EFHD1: variants seen among roughly 807,000 people sequenced by gnomAD.
The protein encoded by EFHD1 is EF-hand domain family member D1, also known as EF-hand domain-containing protein D1.
EFHD1 carries 10 observed loss-of-function variants against 17.2 expected under a neutral mutation model. The observed-to-expected ratio is 0.58, with a 90% confidence interval of 0.36 to 0.99. The LOEUF is 0.99. Among genes scored for constraint, EFHD1 ranks in the 50% least tolerant of loss-of-function variants. The pLI, the probability that EFHD1 is intolerant of heterozygous loss-of-function variation, is 0.01. For synonymous variants in EFHD1, 153 were observed against 142.0 expected (o/e 1.08, Z -0.55); for missense variants, 310 against 327.5 (o/e 0.95, Z 0.41).
intron 1 of EFHD1, among the ~76,000 whole-genome samples, chr2:232,655,802 CTTTTTTTTTTTT>C (rs66762860): frequency 1.6e-4 from 21 of 133,264 alleles, no homozygotes; most frequent in South Asian, 2.3e-4. Flanking sequence ...TGTGTGGGGT[CTTTTTTTTTTTT>C]TTTTTTTTTT....
rs1411754197 is a variant in EFHD1 at position 232,672,356 on chromosome 2, C to CAGTG, written c.499_502dup (p.Gly168GlufsTer11). ...CCGCGGCAGGGGAGCTGCAGGAGGACAGTGGGCTGATGGCGCTGGCAAAGC... is the reference window on the plus strand; with the variant it reads ...CCGCGGCAGGGGAGCTGCAGGAGGACAGTGAGTGGGCTGATGGCGCTGGCAAAGC... On this transcript the variant is annotated frameshift_variant, in exon 3 of 4. Transcript: ENST00000264059. LOFTEE classifies it high-confidence loss of function. 2 of 1,614,044 alleles carry CAGTG rather than the reference C, an allele frequency of 1.2e-6. No individual in the cohort carries two copies. The highest frequency in any genetic ancestry group is 1.7e-6 in the Non-Finnish European group (2 of 1,180,026).
At chr2:232,659,306 A>G (rs1042735244) in intron 1 of EFHD1, among the ~76,000 whole-genome samples, 8 of 151,970 alleles carry the variant, frequency 5.3e-5, no homozygotes, top group African/African-American at 1.9e-4. Context: ...AAAAAAAAAC[A>G]CAAGAAATAA....
chr2:232,672,076 A>C (rs1032970000), intron 2 of EFHD1, among the ~76,000 whole-genome samples: 2 of 152,058 alleles, frequency 1.3e-5, no homozygotes, highest in Non-Finnish European at 2.9e-5. Context: ...AAAAAGTTTG[A>C]ATCGGTTTAC....
chr2:232,643,041 TCCTCTGC>T (rs2106198961), intron 1 of EFHD1, among the ~76,000 whole-genome samples: 1 of 152,298 alleles, frequency 6.6e-6, no homozygotes, highest in Admixed American at 6.5e-5. Context: ...TTGGGTTCCG[TCCTCTGC>T]CCTCTGCCAC....
chr2:232,622,205 C>T (rs1694029070), intron 1 of EFHD1, among the ~76,000 whole-genome samples: 2 of 152,220 alleles, frequency 1.3e-5, no homozygotes, highest in African/African-American at 4.8e-5. Flanking sequence ...TGGTGGCTTA[C>T]GCCTGTAATC....
intron 1 of EFHD1, among the ~76,000 whole-genome samples, chr2:232,627,670 G>C (rs1337905486): frequency 6.6e-6 from 1 of 152,040 alleles, no homozygotes; most frequent in African/African-American, 2.4e-5. Context: ...GCCAGATGTA[G>C]AAGACATTTG....
chr2:232,676,970 A>G (rs1695184798), intron 3 of EFHD1, among the ~76,000 whole-genome samples: 1 of 152,096 alleles, frequency 6.6e-6, no homozygotes, highest in Non-Finnish European at 1.5e-5. Context: ...ACTGGACCAC[A>G]GCCTGGGCAA....
At chr2:232,621,550 T>A (rs1366166670) in intron 1 of EFHD1, among the ~76,000 whole-genome samples, 1 of 152,158 alleles carries the variant, frequency 6.6e-6, no homozygotes, top group Non-Finnish European at 1.5e-5. Flanking sequence ...CCTCCCGGGT[T>A]CAAGTGATTC....
chr2:232,670,916 C>G (rs1342604279), intron 2 of EFHD1, among the ~76,000 whole-genome samples: 12 of 152,032 alleles, frequency 7.9e-5, no homozygotes, highest in Non-Finnish European at 1.5e-5. Flanking sequence ...AAGAAAAGTA[C>G]AAGTTGTTAA....
chr2:232,631,827 C>A (rs1364590109), upstream of EFHD1, among the ~76,000 whole-genome samples: 6 of 150,798 alleles, frequency 4.0e-5, no homozygotes, highest in Non-Finnish European at 8.8e-5. Flanking sequence ...CATGGAGAAA[C>A]CCTGTCTCTA....
intron 1 of EFHD1, among the ~76,000 whole-genome samples, chr2:232,614,788 C>G (rs796886177): frequency 8.5e-5 from 13 of 152,246 alleles, no homozygotes; most frequent in African/African-American, 3.1e-4. Context: ...CCAGCCTGGG[C>G]AACATGGTGA....
chr2:232,659,660 T>C (rs1383979698), intron 1 of EFHD1, among the ~76,000 whole-genome samples: 2 of 152,206 alleles, frequency 1.3e-5, no homozygotes, highest in Admixed American at 1.3e-4. Flanking sequence ...TTTTTGTTAC[T>C]GAGGCTGTGT....
intron 1 of EFHD1, among the ~76,000 whole-genome samples, chr2:232,615,636 T>TA (rs1174010123): frequency 6.6e-6 from 1 of 151,772 alleles, no homozygotes; most frequent in Non-Finnish European, 1.5e-5. Context: ...TAACACTTTT[T>TA]AAAAAATAGT....
intron 1 of EFHD1, chr2:232,638,315 T>A: frequency 2.1e-6 from 1 of 470,816 alleles, no homozygotes; most frequent in South Asian, 1.5e-5. Flanking sequence ...CGCAAGGTTT[T>A]TGCAGCATAC....
chr2:232,656,147 C>T (rs1054612753), intron 1 of EFHD1, among the ~76,000 whole-genome samples: 21 of 152,276 alleles, frequency 1.4e-4, no homozygotes, highest in Admixed American at 7.8e-4. Flanking sequence ...GGCTGCTTCC[C>T]ACTGACCAGG....
At chr2:232,658,832 A>T (rs1427999248) in intron 1 of EFHD1, among the ~76,000 whole-genome samples, 1 of 152,178 alleles carries the variant, frequency 6.6e-6, no homozygotes, top group African/African-American at 2.4e-5. Flanking sequence ...CATGGTAATG[A>T]TGTTGGCACA....
intron 3 of EFHD1, among the ~76,000 whole-genome samples, chr2:232,675,272 AAG>A (rs1358926489): frequency 6.6e-6 from 1 of 152,052 alleles, no homozygotes; most frequent in African/African-American, 2.4e-5. Flanking sequence ...AAAGAAAAGA[AAG>A]AAAGAATATG....
At chr2:232,677,207 TACACACACACACACACAC>T (rs61607311) in intron 3 of EFHD1, among the ~76,000 whole-genome samples, 2 of 131,364 alleles carry the variant, frequency 1.5e-5, no homozygotes, top group Non-Finnish European at 1.6e-5. Context: ...ACCCCATCTC[TACACACACACACACACAC>T]ACACACACAC....
chr2:232,644,942 ATTT>A (rs752790323), intron 1 of EFHD1, among the ~76,000 whole-genome samples: 69 of 114,362 alleles, frequency 6.0e-4, no homozygotes, highest in African/African-American at 1.9e-3. Flanking sequence ...ATGCCTGGCA[ATTT>A]TTTTTTTTTT....
Sources: gnomAD v4.1 joint callset for allele counts (sites outside exome capture counted in the v4.1 genomes callset) on GRCh38, gnomAD v4.1.1 for gene constraint, MANE v1.5 for transcripts, NCBI Gene and HGNC (gene_info 2026-07-23, HGNC 2026-07-21) for gene names.